The following NELL1 variants were observed in gnomAD, a reference collection of about 807,000 sequenced individuals.
NELL1 encodes protein kinase C-binding protein NELL1.
NELL1 carries 76 observed loss-of-function variants against 107.4 expected under a neutral mutation model. The ratio of observed to expected loss-of-function variants is 0.71; its 90% CI spans 0.59 to 0.86. The LOEUF (loss-of-function observed/expected upper bound fraction) is 0.86, where lower values mean the gene tolerates loss of function less well. Among genes scored for constraint, NELL1 ranks in the 40% least tolerant of loss-of-function variants. The pLI is 0.00. For missense variants in NELL1, 1,024 were observed against 1,005.5 expected, an observed-to-expected ratio of 1.02 and a Z score of -0.25; for synonymous variants, 353 against 341.2, an observed-to-expected ratio of 1.03 and a Z score of -0.38.
At chr11:21,155,749 A>G (rs748129106) in intron 13 of NELL1, among the ~76,000 whole-genome samples, 1 of 152,096 alleles carries the variant, frequency 6.6e-6, no homozygotes, top group Non-Finnish European at 1.5e-5. Context: ...GTGTAAGTCA[A>G]TTTTTCAAAA....
intron 2 of NELL1, among the ~76,000 whole-genome samples, chr11:20,726,217 A>G (rs552838459): frequency 6.4e-4 from 98 of 152,324 alleles, no homozygotes; most frequent in African/African-American, 2.3e-3. Flanking sequence ...GCAAGCACAT[A>G]TGTCTTTTGG....
chr11:21,512,067 T>C (rs915464377), intron 15 of NELL1, among the ~76,000 whole-genome samples: 1 of 152,168 alleles, frequency 6.6e-6, no homozygotes, highest in African/African-American at 2.4e-5. Context: ...CAAGCCTCAA[T>C]GGCATGTTGA....
chr11:21,138,649 G>T (rs910087227), intron 13 of NELL1, among the ~76,000 whole-genome samples: 1 of 152,136 alleles, frequency 6.6e-6, no homozygotes, highest in Non-Finnish European at 1.5e-5. Flanking sequence ...ATCCAACTGT[G>T]AATAGGTGTG....
intron 14 of NELL1, among the ~76,000 whole-genome samples, chr11:21,339,928 C>T (rs941022721): frequency 1.3e-5 from 2 of 152,114 alleles, no homozygotes; most frequent in Non-Finnish European, 2.9e-5. Flanking sequence ...GCAGTAAATG[C>T]TCCGTGAGGC....
chr11:20,695,985 A>G (rs541457475), intron 2 of NELL1, among the ~76,000 whole-genome samples: 4 of 152,104 alleles, frequency 2.6e-5, no homozygotes, highest in East Asian at 3.9e-4. Flanking sequence ...CAGGGGTTCA[A>G]TTCCTTCTTG....
intron 13 of NELL1, among the ~76,000 whole-genome samples, chr11:21,156,885 G>A (rs934826628): frequency 7.9e-5 from 12 of 151,122 alleles, no homozygotes; most frequent in African/African-American, 2.4e-4. Flanking sequence ...TTGAGGCAAG[G>A]AGTTTGAGAC....
At chr11:21,437,236 G>T (rs760085152) in intron 15 of NELL1, among the ~76,000 whole-genome samples, 2 of 152,040 alleles carry the variant, frequency 1.3e-5, no homozygotes, top group African/African-American at 4.8e-5. Context: ...ATTGTATTGG[G>T]CTCTATCTTT....
At chr11:21,574,438 AT>A (rs913062572) in intron 19 of NELL1, among the ~76,000 whole-genome samples, 3 of 151,818 alleles carry the variant, frequency 2.0e-5, no homozygotes, top group African/African-American at 7.2e-5. Flanking sequence ...ATAAAGGTAT[AT>A]TTACATTAGT....
At chr11:21,166,148 C>G (rs1856476798) in intron 13 of NELL1, among the ~76,000 whole-genome samples, 1 of 151,616 alleles carries the variant, frequency 6.6e-6, no homozygotes, top group Non-Finnish European at 1.5e-5. Context: ...ATGACATATT[C>G]TCACTAATTT....
intron 2 of NELL1, among the ~76,000 whole-genome samples, chr11:20,766,006 A>T (rs976600572): frequency 6.6e-6 from 1 of 152,140 alleles, no homozygotes; most frequent in Non-Finnish European, 1.5e-5. Context: ...CTTAGAGGCA[A>T]TTGGGGTCAT....
chr11:20,696,983 A>G (rs949296139), intron 2 of NELL1, among the ~76,000 whole-genome samples: 15 of 152,108 alleles, frequency 9.9e-5, no homozygotes, highest in African/African-American at 3.4e-4. Context: ...GTTGGCTAAA[A>G]CTCAATGATT....
chr11:20,998,014 A>T (rs1852129094), intron 12 of NELL1, among the ~76,000 whole-genome samples: 1 of 152,206 alleles, frequency 6.6e-6, no homozygotes, highest in Non-Finnish European at 1.5e-5. Context: ...ATAAAAAATT[A>T]AATTCTTTGT....
At chr11:20,689,735 G>A (rs548136998) in intron 2 of NELL1, among the ~76,000 whole-genome samples, 5,080 of 150,492 alleles carry the variant, frequency 0.034, 288 homozygotes, top group African/African-American at 0.12. Context: ...GAATAGTGCC[G>A]CAATAAACAT....
chr11:20,777,174 T>A (rs1856766850), intron 2 of NELL1, among the ~76,000 whole-genome samples: 1 of 152,230 alleles, frequency 6.6e-6, no homozygotes, highest in Non-Finnish European at 1.5e-5. Context: ...GCACCAAGCC[T>A]TCCTAGCCCA....
At chr11:20,918,045 A>G in intron 5 of NELL1, 137 bp from the exon 6 acceptor site, 2 of 666,110 alleles carry the variant, frequency 3.0e-6, no homozygotes, top group Non-Finnish European at 5.5e-6. Flanking sequence ...TTCAGTATAT[A>G]CTAAGGCCAG....
intron 13 of NELL1, among the ~76,000 whole-genome samples, chr11:21,169,144 G>A (rs1281229337): frequency 6.6e-6 from 1 of 151,844 alleles, no homozygotes; most frequent in African/African-American, 2.4e-5. Context: ...GATAACTGGA[G>A]TAATGTTTAT....
At chr11:21,349,791 A>C (rs187665081) in intron 14 of NELL1, among the ~76,000 whole-genome samples, 1 of 152,226 alleles carries the variant, frequency 6.6e-6, no homozygotes, top group African/African-American at 2.4e-5. Flanking sequence ...ACTGTAGTGA[A>C]CATAAGTCTG....
At chr11:20,820,856 A>G (rs1327951602) in intron 3 of NELL1, among the ~76,000 whole-genome samples, 3 of 152,052 alleles carry the variant, frequency 2.0e-5, no homozygotes, top group Non-Finnish European at 2.9e-5. Flanking sequence ...GCCATGCTAT[A>G]TCCCCATTAC....
chr11:21,218,942 T>C (rs899049217), intron 13 of NELL1, among the ~76,000 whole-genome samples: 4 of 152,170 alleles, frequency 2.6e-5, no homozygotes, highest in African/African-American at 9.6e-5. Flanking sequence ...AATGCTGCAG[T>C]AAATATGGGG....
Sources: allele counts gnomAD v4.1 joint callset (sites outside exome capture counted in the v4.1 genomes callset), GRCh38; gene constraint gnomAD v4.1.1; transcripts MANE v1.5; gene names NCBI Gene and HGNC (gene_info 2026-07-23, HGNC 2026-07-21).